Variants in KIF6 observed in about 807,000 individuals in gnomAD.
KIF6 encodes kinesin family member 6, also known as kinesin-like protein KIF6.
In KIF6, 106 loss-of-function variants were observed where a neutral mutation model predicts 112.7. The observed-to-expected ratio is 0.94, with a 90% confidence interval of 0.80 to 1.11. The LOEUF (loss-of-function observed/expected upper bound fraction) is 1.11, where lower values mean the gene tolerates loss of function less well. KIF6 is among the 50% of genes least tolerant of loss of function. The pLI is 0.00. For missense variants in KIF6, 929 were observed against 964.0 expected, an observed-to-expected ratio of 0.96 and a Z score of 0.48; for synonymous variants, 339 against 339.9, an observed-to-expected ratio of 1.00 and a Z score of 0.03.
At chr6:39,503,484 C>A (rs72850679) in intron 13 of KIF6, among the ~76,000 whole-genome samples, 3,207 of 151,998 alleles carry the variant, frequency 0.021, 54 homozygotes, top group Non-Finnish European at 0.031. Flanking sequence ...CAGAGCTGAA[C>A]TGAAGGAGAC....
intron 6 of KIF6, among the ~76,000 whole-genome samples, chr6:39,606,346 A>G (rs1443537496): frequency 6.6e-6 from 1 of 152,132 alleles, no homozygotes; most frequent in Non-Finnish European, 1.5e-5. Context: ...AACATACTTA[A>G]GATTATGAAG....
At chr6:39,588,270 G>A (rs1781743595) in intron 7 of KIF6, among the ~76,000 whole-genome samples, 1 of 152,030 alleles carries the variant, frequency 6.6e-6, no homozygotes, top group Non-Finnish European at 1.5e-5. Flanking sequence ...CTGAAGTGTG[G>A]TGGCACAATC....
At chr6:39,614,552 G>A (rs1217387106) in intron 5 of KIF6, among the ~76,000 whole-genome samples, 1 of 152,054 alleles carries the variant, frequency 6.6e-6, no homozygotes, top group African/African-American at 2.4e-5. Flanking sequence ...AAATCCTAAT[G>A]GCAGGAAGAA....
chr6:39,579,048 T>C (rs1452929389), intron 9 of KIF6, among the ~76,000 whole-genome samples: 1 of 152,226 alleles, frequency 6.6e-6, no homozygotes, highest in Non-Finnish European at 1.5e-5. Flanking sequence ...GCTATGAACA[T>C]TATGAATCTC....
At chr6:39,541,694 T>C (rs1778798259) in intron 12 of KIF6, among the ~76,000 whole-genome samples, 1 of 152,138 alleles carries the variant, frequency 6.6e-6, no homozygotes, top group South Asian at 2.1e-4. Flanking sequence ...AACATCAGAA[T>C]GCCACATACC....
At chr6:39,628,823 CTATT>C (rs1325008336) in intron 5 of KIF6, among the ~76,000 whole-genome samples, 1 of 152,028 alleles carries the variant, frequency 6.6e-6, no homozygotes, top group Admixed American at 6.6e-5. Flanking sequence ...TGTGCTTCAC[CTATT>C]TATTCTTCTA....
chr6:39,349,525 C>G (rs577687570), intron 19 of KIF6, among the ~76,000 whole-genome samples: 1 of 146,386 alleles, frequency 6.8e-6, no homozygotes, highest in Non-Finnish European at 1.5e-5. Context: ...GGAGAAGAGG[C>G]GAGTGGAGGA....
At chr6:39,435,767 T>C (rs1262239074) in intron 13 of KIF6, among the ~76,000 whole-genome samples, 1 of 152,248 alleles carries the variant, frequency 6.6e-6, no homozygotes, top group Non-Finnish European at 1.5e-5. Flanking sequence ...CATCAGTTCA[T>C]GGACACTTGT....
intron 14 of KIF6, among the ~76,000 whole-genome samples, chr6:39,421,322 G>A (rs1463413061): frequency 1.3e-5 from 2 of 152,190 alleles, no homozygotes; most frequent in African/African-American, 4.8e-5. Context: ...CAGGATAGTA[G>A]AATGAACCCT....
At chr6:39,705,420 T>C (rs1166036264) in intron 3 of KIF6, among the ~76,000 whole-genome samples, 1 of 152,128 alleles carries the variant, frequency 6.6e-6, no homozygotes, top group Non-Finnish European at 1.5e-5. Flanking sequence ...GAAACAGAAA[T>C]AAAACTCACT....
intron 12 of KIF6, among the ~76,000 whole-genome samples, chr6:39,540,945 A>C (rs1778753333): frequency 6.6e-6 from 1 of 152,242 alleles, no homozygotes; most frequent in Admixed American, 6.5e-5. Context: ...TTCAGTGTTC[A>C]TTCTGTGTTC....
intron 13 of KIF6, among the ~76,000 whole-genome samples, chr6:39,467,699 T>C (rs899296566): frequency 6.6e-6 from 1 of 152,172 alleles, no homozygotes; most frequent in South Asian, 2.1e-4. Context: ...GGGATCAATA[T>C]CTAGAGCTGC....
At chr6:39,538,794 A>C (rs1297747192) in intron 13 of KIF6, among the ~76,000 whole-genome samples, 3 of 148,286 alleles carry the variant, frequency 2.0e-5, no homozygotes, top group Non-Finnish European at 3.0e-5. Context: ...ACTATTCACA[A>C]TAGCAAAGAC....
At chr6:39,420,525 G>A (rs115949063) in intron 14 of KIF6, among the ~76,000 whole-genome samples, 2 of 152,178 alleles carry the variant, frequency 1.3e-5, no homozygotes, top group Non-Finnish European at 2.9e-5. Context: ...CTGCTTTCAC[G>A]CTACAAGACA....
rs377270403 is a variant in KIF6 at position 39,592,993 on chromosome 6, AG to A, written c.846+3060del. ...CTGTCTTATATATTGAAACCGAGAG[AG>A]GGGATAGGGATATAATTGATTACCA... On this transcript the variant is annotated intron_variant, in intron 7 of 22. Coordinates refer to ENST00000287152, the MANE Select transcript of KIF6 (RefSeq NM_145027.6). Among the ~76,000 whole-genome samples the A allele has an allele frequency of 1.8e-4, 27 of 152,226 alleles. 2 individuals carry two copies. The East Asian group carries it at 4.2e-3, about 24-fold the overall frequency.
At chr6:39,716,648 T>C (rs1223565784) in intron 2 of KIF6, among the ~76,000 whole-genome samples, 1 of 152,202 alleles carries the variant, frequency 6.6e-6, no homozygotes, top group African/African-American at 2.4e-5. Context: ...TCCACAGAGA[T>C]AAAGTAATTA....
Position 39,333,740 on chromosome 6 carries a change from T to A in KIF6, c.*2792A>T, listed in dbSNP as rs924790124. 6.6e-6 allele frequency: 1 copy of A among 152,238 alleles called. No homozygotes were observed. The highest frequency in any genetic ancestry group is 2.4e-5 in the African/African-American group (1 of 41,464). 9.4% of individuals were successfully genotyped at this position (152,238 alleles called of 1,614,324 possible). ...TAGCAAGATCTGGGCAAGCTACATT[T>A]TAACTTCCCTCCTCCAACCTCCGTC... On this transcript the variant is annotated 3_prime_UTR_variant, in exon 23 of 23. Coordinates refer to ENST00000287152, the MANE Select transcript of KIF6 (RefSeq NM_145027.6).
intron 13 of KIF6, 47 bp from the exon 14 acceptor site, chr6:39,431,208 C>T (rs750140976): frequency 2.7e-6 from 3 of 1,106,100 alleles, no homozygotes; most frequent in Non-Finnish European, 4.1e-6. Flanking sequence ...CATCAGGATC[C>T]TATTAATTTC....
intron 13 of KIF6, among the ~76,000 whole-genome samples, chr6:39,433,756 C>G (rs1771323199): frequency 6.6e-6 from 1 of 152,220 alleles, no homozygotes; most frequent in African/African-American, 2.4e-5. Context: ...GCAGAGACTT[C>G]AAGGCCACCA....
Sources: allele counts gnomAD v4.1 joint callset (sites outside exome capture counted in the v4.1 genomes callset), GRCh38; gene constraint gnomAD v4.1.1; transcripts MANE v1.5; gene names NCBI Gene and HGNC (gene_info 2026-07-23, HGNC 2026-07-21).